Variants in CAMK2A observed in about 807,000 individuals in gnomAD.
CAMK2A encodes the protein calcium/calmodulin-dependent protein kinase type II subunit alpha.
Under a neutral mutation model 79.2 loss-of-function variants are expected in CAMK2A, and 7 were observed. The observed-to-expected ratio is 0.09, with a 90% CI of 0.05 to 0.17. CAMK2A has a LOEUF of 0.17. Among genes scored for constraint, CAMK2A ranks in the 10% least tolerant of loss-of-function variants. CAMK2A has a pLI of 1.00. For missense variants in CAMK2A, 214 were observed against 646.4 expected, an observed-to-expected ratio of 0.33 and a Z score of 7.25; for synonymous variants, 242 against 251.7, an observed-to-expected ratio of 0.96 and a Z score of 0.36.
At chr5:150,238,591 A>G (rs1193372051) in intron 15 of CAMK2A, 109 bp downstream of exon 15, 2 of 1,067,120 alleles carry the variant, frequency 1.9e-6, no homozygotes, top group East Asian at 2.6e-5. Context: ...AGCTCTCTGT[A>G]GATGAGCAAG....
At position 150,255,308 on chromosome 5, in the gene CAMK2A, G is replaced by A. The variant is rs564139816; in HGVS notation, c.411+1265C>T. Among the ~76,000 whole-genome samples, 3 of 152,326 alleles carry A rather than the reference G, an allele frequency of 2.0e-5. No individual in the cohort carries two copies. The South Asian group carries it at 6.2e-4, about 32-fold the overall frequency. ...GACTGAGCCACAGGGAGCTTGCCTA[G>A]GGCTCAGGAGAGAAGCCGTGTCTGC... On this transcript the variant is annotated intron_variant, in intron 6 of 18. Transcript: ENST00000671881.
intron 11 of CAMK2A, among the ~76,000 whole-genome samples, chr5:150,248,785 G>A (rs915502591): frequency 1.3e-4 from 20 of 151,882 alleles, no homozygotes; most frequent in Non-Finnish European, 2.1e-4. Context: ...GAGTAGTGCC[G>A]CAATAAATAT....
intron 15 of CAMK2A, chr5:150,238,264 A>G (rs1477592190): frequency 5.6e-6 from 1 of 177,080 alleles, no homozygotes; most frequent in African/African-American, 2.4e-5. Context: ...CAGCCTGGCC[A>G]ACATGGTGAA....
In CAMK2A at chr5:150,251,741, G is replaced by C. The variant is rs767890364; in HGVS notation, c.693+9C>G. ...GATGATGGGAGCTGAAGAGAGGAGC[G>C]ACACTCACATCATAGGCGCCGGCTT... On this transcript the variant is annotated intron_variant, in intron 9 of 18. Coordinates refer to ENST00000671881, the MANE Select transcript of CAMK2A (RefSeq NM_015981.4). 8.2e-6 allele frequency: 13 copies of C among 1,585,882 alleles called. No individual in the cohort carries two copies. The highest frequency in any genetic ancestry group is 1.0e-5 in the Non-Finnish European group (12 of 1,165,822).
At chr5:150,238,217 G>A (rs914684678) in intron 15 of CAMK2A, 5 of 162,782 alleles carry the variant, frequency 3.1e-5, no homozygotes, top group Admixed American at 1.8e-4. Flanking sequence ...TTGGGAGGCC[G>A]AGGCAGGAGG....
At chr5:150,266,529 C>T (rs1214793416) in intron 2 of CAMK2A, among the ~76,000 whole-genome samples, 1 of 152,286 alleles carries the variant, frequency 6.6e-6, no homozygotes. Context: ...CTTTCAAGCC[C>T]TCACTACAAT....
intron 15 of CAMK2A, among the ~76,000 whole-genome samples, chr5:150,233,389 T>G (rs1470702895): frequency 6.6e-6 from 1 of 152,192 alleles, no homozygotes; most frequent in Admixed American, 6.5e-5. Flanking sequence ...GTAGCAGTGA[T>G]CATTCAACGT....
intron 18 of CAMK2A, 94 bp from the exon 19 acceptor site, chr5:150,222,807 C>T (rs1263023564): frequency 2.0e-6 from 3 of 1,493,680 alleles, no homozygotes; most frequent in African/African-American, 1.4e-5. Context: ...CCATGCGGTC[C>T]CTGGTGGCTC....
rs1179938749 is a variant in CAMK2A at position 150,221,294 on chromosome 5, GAAAGAGGA to G, written c.*1408_*1415del. 7 of 397,702 alleles carry G rather than the reference GAAAGAGGA, an allele frequency of 1.8e-5. No homozygotes were observed. The highest frequency in any genetic ancestry group is 4.4e-5 in the Admixed American group (1 of 22,692). The allele number at this position is 397,702 out of a possible 1,614,324, so 24.6% of individuals were successfully genotyped here. ...TCAGAGTCAATCCCAGGGAAAGAGG[GAAAGAGGA>G]AAAGAAAGAGAGAATGCGAACCCGA... On this transcript the variant is annotated 3_prime_UTR_variant, in exon 19 of 19. Coordinates refer to ENST00000671881, the MANE Select transcript of CAMK2A (RefSeq NM_015981.4).
chr5:150,223,317 G>C lies in CAMK2A; in HGVS notation c.1238-100C>G. 1.1e-6 allele frequency: 1 copy of C among 948,380 alleles called. No individual in the cohort carries two copies. The allele number at this position is 948,380 out of a possible 1,614,324, so 58.7% of individuals were successfully genotyped here. ...TCCCAGCAGCCCTCTCAATGGAGGC[G>C]CCCTGCCTGACTCATTTGCAGGGAA... On this transcript the variant is annotated intron_variant, in intron 17 of 18. Coordinates refer to ENST00000671881, the MANE Select transcript of CAMK2A (RefSeq NM_015981.4). This position sits in a 1 kb window ranked among gnomAD's most constrained non-coding sequence, Gnocchi z 4.1.
chr5:150,256,753 A>T lies in CAMK2A; in HGVS notation c.338+13T>A. 6.2e-7 allele frequency: 1 copy of T among 1,612,434 alleles called. No individual in the cohort carries two copies. Among genetic ancestry groups the T allele is most frequent in the Non-Finnish European group, 8.5e-7 (1 of 1,178,464 alleles). ...TCCCCGGGTGCCATTGCCAGGCAGC[A>T]CCTGACACTCACCTGGCATCCGCCT... On this transcript the variant is annotated intron_variant, in intron 5 of 18. Transcript: ENST00000671881. This position sits in a 1 kb window ranked among gnomAD's most constrained non-coding sequence, Gnocchi z 4.6.
At position 150,254,546 on chromosome 5, in the gene CAMK2A, G is replaced by A. The variant is rs564338790; in HGVS notation, c.412-1000C>T. 3.3e-5 allele frequency among the ~76,000 whole-genome samples: 5 copies of A among 152,266 alleles called. 1 individual carries two copies. The South Asian group carries it at 1.0e-3, about 32-fold the overall frequency. On this transcript the variant is annotated intron_variant, in intron 6 of 18. Transcript: ENST00000671881. Reference sequence around the variant, plus strand: ...TACATGGGGCCAGCAGCTGACTTGGGAAGGTCCCACACCTGGCCTCTGGGC... The same window carrying A: ...TACATGGGGCCAGCAGCTGACTTGGAAAGGTCCCACACCTGGCCTCTGGGC...
chr5:150,279,795 C>T (rs1757133889), intron 1 of CAMK2A, among the ~76,000 whole-genome samples: 1 of 152,192 alleles, frequency 6.6e-6, no homozygotes, highest in Non-Finnish European at 1.5e-5. Flanking sequence ...GACAGTGGGT[C>T]CGGCGCATGG....
chr5:150,279,542 G>A (rs1423770761), intron 1 of CAMK2A, among the ~76,000 whole-genome samples: 1 of 152,226 alleles, frequency 6.6e-6, no homozygotes, highest in East Asian at 1.9e-4. Context: ...AATGCCTTGT[G>A]TAGGCATCAT....
At chr5:150,244,495 G>C (rs189305785) in intron 13 of CAMK2A, among the ~76,000 whole-genome samples, 15 of 152,398 alleles carry the variant, frequency 9.8e-5, no homozygotes, top group African/African-American at 3.6e-4. Flanking sequence ...ACTGCAGAGA[G>C]CAGGGGACCA....
intron 13 of CAMK2A, among the ~76,000 whole-genome samples, chr5:150,241,692 T>C (rs1274213251): frequency 1.5e-5 from 2 of 133,386 alleles, no homozygotes; most frequent in African/African-American, 5.8e-5. Context: ...TCTCCTCAAC[T>C]CCTCCTCCTT....
At chr5:150,264,347 T>G (rs1356833773) in intron 3 of CAMK2A, among the ~76,000 whole-genome samples, 1 of 152,230 alleles carries the variant, frequency 6.6e-6, no homozygotes, top group Non-Finnish European at 1.5e-5. Flanking sequence ...CCTGCCCTCA[T>G]GACTCAGCAC....
chr5:150,289,450 C>T, intron 1 of CAMK2A, 114 bp downstream of exon 1: 1 of 823,504 alleles, frequency 1.2e-6, no homozygotes, highest in Non-Finnish European at 2.1e-6. Context: ...ATGCAGCCTG[C>T]CTTCATCTGT....
At chr5:150,288,780 AC>A (rs1757540433) in intron 1 of CAMK2A, among the ~76,000 whole-genome samples, 1 of 152,032 alleles carries the variant, frequency 6.6e-6, no homozygotes, top group Non-Finnish European at 1.5e-5. Flanking sequence ...CTACTGGGCC[AC>A]CCACAAGGGC....
Sources: allele counts gnomAD v4.1 joint callset (sites outside exome capture counted in the v4.1 genomes callset), GRCh38; gene constraint gnomAD v4.1.1; non-coding constraint Gnocchi (gnomAD v3.1); transcripts MANE v1.5; gene names NCBI Gene and HGNC (gene_info 2026-07-23, HGNC 2026-07-21).